OCM2: variants seen among roughly 807,000 people sequenced by gnomAD.
The protein encoded by OCM2 is oncomodulin-2.
A neutral mutation model predicts 13.6 loss-of-function variants in OCM2; 6 were observed. The observed-to-expected ratio is 0.44, with a 90% CI of 0.24 to 0.87. The LOEUF (loss-of-function observed/expected upper bound fraction) is 0.87. OCM2 is among the 40% of genes least tolerant of loss of function. The probability of loss-of-function intolerance (pLI) is 0.22; values close to 1 mark genes in which losing one functional copy is unlikely to be tolerated. For missense variants in OCM2, 118 were observed against 136.8 expected, an observed-to-expected ratio of 0.86 and a Z score of 0.68; for synonymous variants, 40 against 50.7, an observed-to-expected ratio of 0.79 and a Z score of 0.90.
chr7:97,990,016 T>TGCCACCCCCCCCC, intron 1 of OCM2, 28 bp downstream of exon 1: 2 of 1,083,840 alleles, frequency 1.8e-6, no homozygotes, highest in Non-Finnish European at 2.8e-6. Context: ...TGTGAGGAAA[T>TGCCACCCCCCCCC]CCCACCCCCG....
chr7:97,989,515 T>G (rs1421664130), intron 1 of OCM2, among the ~76,000 whole-genome samples: 6 of 151,964 alleles, frequency 3.9e-5, no homozygotes, highest in Admixed American at 2.6e-4. Context: ...TCCTCCTACC[T>G]TAGTTTCCAG....
At chr7:97,986,151 G>T (rs1794669176) in intron 3 of OCM2, among the ~76,000 whole-genome samples, 1 of 152,084 alleles carries the variant, frequency 6.6e-6, no homozygotes, top group Non-Finnish European at 1.5e-5. Flanking sequence ...GACTTCAGGG[G>T]ATCTGCCCAC....
At chr7:97,989,024 A>G (rs10277446) in intron 1 of OCM2, among the ~76,000 whole-genome samples, 15,094 of 145,512 alleles carry the variant, frequency 0.1, 851 homozygotes, top group African/African-American at 0.16. Context: ...TCTGCCTCCC[A>G]GGTTCAACTG....
At chr7:97,988,991 C>T (rs1031531138) in intron 1 of OCM2, among the ~76,000 whole-genome samples, 9 of 145,528 alleles carry the variant, frequency 6.2e-5, no homozygotes, top group Middle Eastern at 7.6e-3. Context: ...AGTGCAGTGG[C>T]GTGATCTCGG....
In OCM2 at chr7:97,990,033, G is replaced by GTCCCCCC; in HGVS notation, c.61+10_61+11insGGGGGGA. 1 of 563,460 alleles carries GTCCCCCC rather than the reference G, an allele frequency of 1.8e-6. No homozygotes were observed. The highest frequency in any genetic ancestry group is 1.7e-5 in the South Asian group (1 of 60,500). The allele number at this position is 563,460 out of a possible 1,614,324, so 34.9% of individuals were successfully genotyped here. ...TGAGGAAATCCCACCCCCGCCCCAC[G>GTCCCCCC]TCCCCTCTACCTTGGCATTCCTGGA... On this transcript the variant is annotated intron_variant, in intron 1 of 3. Transcript: ENST00000257627.
chr7:97,990,013 AAATCCCACCC>A, intron 1 of OCM2, 21 bp downstream of exon 1: 3 of 1,505,138 alleles, frequency 2.0e-6, no homozygotes, highest in Non-Finnish European at 2.8e-6. Flanking sequence ...AGCTGTGAGG[AAATCCCACCC>A]CCGCCCCACG....
At chr7:97,987,501 A>G (rs1234012383) in intron 2 of OCM2, among the ~76,000 whole-genome samples, 1 of 151,296 alleles carries the variant, frequency 6.6e-6, no homozygotes, top group African/African-American at 2.4e-5. Context: ...GCACCCCCCC[A>G]TGCCCCACTA....
intron 3 of OCM2, among the ~76,000 whole-genome samples, chr7:97,986,334 A>G (rs984980396): frequency 1.5e-5 from 2 of 136,876 alleles, no homozygotes; most frequent in African/African-American, 2.8e-5. Context: ...TTTTTTTTTA[A>G]TAAGCATCTA....
At chr7:97,984,890 A>C (rs892150591) in exon 4 of OCM2, 2 of 1,432,428 alleles carry the variant, frequency 1.4e-6, no homozygotes, top group African/African-American at 2.8e-5. Flanking sequence ...GGGGTTCCCC[A>C]TTCCCAGGGC....
intron 1 of OCM2, 21 bp downstream of exon 1, chr7:97,990,023 C>CCCCA: frequency 6.7e-7 from 1 of 1,495,562 alleles, no homozygotes; most frequent in Non-Finnish European, 9.3e-7. Context: ...AAATCCCACC[C>CCCCA]CCGCCCCACG....
chr7:97,985,112 T>G, intron 3 of OCM2, 129 bp from the exon 4 acceptor site: 1 of 687,502 alleles, frequency 1.5e-6, no homozygotes, highest in South Asian at 1.9e-5. Context: ...CATGGCCCCC[T>G]TGGAGGGCAC....
intron 1 of OCM2, 24 bp downstream of exon 1, chr7:97,990,020 A>ACC: frequency 1.6e-6 from 1 of 644,624 alleles, no homozygotes; most frequent in Non-Finnish European, 2.7e-6. Flanking sequence ...AGGAAATCCC[A>ACC]CCCCCGCCCC....
intron 3 of OCM2, 82 bp from the exon 4 acceptor site, chr7:97,985,065 A>G: frequency 6.3e-6 from 10 of 1,592,752 alleles, no homozygotes; most frequent in Non-Finnish European, 8.6e-6. Flanking sequence ...AGAATTCCAA[A>G]GAGGGAAGGA....
chr7:97,990,016 T>TGGCACCCCCCCCCC, intron 1 of OCM2, 28 bp downstream of exon 1: 1 of 1,083,840 alleles, frequency 9.2e-7, no homozygotes, highest in Non-Finnish European at 1.4e-6. Flanking sequence ...TGTGAGGAAA[T>TGGCACCCCCCCCCC]CCCACCCCCG....
In OCM2 at chr7:97,987,114, G is replaced by A. The variant is rs150640012; in HGVS notation, c.237C>T (p.Thr79=). Residue 79 remains threonine, a synonymous_variant, in exon 3 of 4, where the codon ACC becomes ACT. Transcript: ENST00000257627. ...CCATCAAGGACTTGGTTTCTGACTC[G>A]GTCAGTTCTCTGGCACCACTCTCAA... 200 of 1,613,766 alleles carry A rather than the reference G, an allele frequency of 1.2e-4. No individual in the cohort carries two copies. The African/African-American group carries it at 2.2e-3, about 17-fold the overall frequency.
At position 97,984,812 on chromosome 7, in the gene OCM2, G is replaced by A. The variant is rs1334978950; in HGVS notation, c.*146C>T. 4 of 1,193,568 alleles carry A rather than the reference G, an allele frequency of 3.4e-6. No individual in the cohort carries two copies. The South Asian group carries it at 4.3e-5, about 13-fold the overall frequency. The allele number at this position is 1,193,568 out of a possible 1,614,324, so 73.9% of individuals were successfully genotyped here. On this transcript the variant is annotated 3_prime_UTR_variant, in exon 4 of 4. Coordinates refer to ENST00000257627, the Ensembl canonical transcript of OCM2. ...TCATGAGTGACTCTCTCGTGACCTC[G>A]CTAAAACAATGAGCAAACTGCAGAA...
At chr7:97,990,016 T>TGCCGCCCCCCCCCCCCC in intron 1 of OCM2, 28 bp downstream of exon 1, 1 of 1,083,840 alleles carries the variant, frequency 9.2e-7, no homozygotes, top group Non-Finnish European at 1.4e-6. Context: ...TGTGAGGAAA[T>TGCCGCCCCCCCCCCCCC]CCCACCCCCG....
chr7:97,984,774 A>G, exon 4 of OCM2: 1 of 770,910 alleles, frequency 1.3e-6, no homozygotes, highest in Non-Finnish European at 2.1e-6. Flanking sequence ...GCATATACCC[A>G]CCACCAAGAA....
At position 97,988,397 on chromosome 7, in the gene OCM2, G is replaced by A. The variant is rs1794693508; in HGVS notation, c.194+19C>T. 4 of 1,613,952 alleles carry A rather than the reference G, an allele frequency of 2.5e-6. No individual in the cohort carries two copies. Among genetic ancestry groups the A allele is most frequent in the Non-Finnish European group, 3.4e-6 (4 of 1,179,938 alleles). ...ACCCAGCAGTGCCAGGTACCAGACA[G>A]CCTCAGGACAAAGCTTACTTAAGCT... On this transcript the variant is annotated intron_variant, in intron 2 of 3. Coordinates refer to ENST00000257627, the Ensembl canonical transcript of OCM2.
Sources: allele counts gnomAD v4.1 joint callset (sites outside exome capture counted in the v4.1 genomes callset), GRCh38; gene constraint gnomAD v4.1.1; transcripts MANE v1.5; gene names NCBI Gene and HGNC (gene_info 2026-07-23, HGNC 2026-07-21).